CAMK1D: variants seen among roughly 807,000 people sequenced by gnomAD.
CAMK1D encodes calcium/calmodulin-dependent protein kinase type 1D.
Under a neutral mutation model 47.7 loss-of-function variants are expected in CAMK1D, and 9 were observed. The observed-to-expected ratio is 0.19, with a 90% CI of 0.11 to 0.33. The LOEUF (loss-of-function observed/expected upper bound fraction) is 0.33. Among genes scored for constraint, CAMK1D ranks in the 10% least tolerant of loss-of-function variants. The probability of loss-of-function intolerance (pLI) is 1.00; values close to 1 mark genes in which losing one functional copy is unlikely to be tolerated. For missense variants in CAMK1D, 291 were observed against 488.7 expected (o/e 0.60, Z 3.81); for synonymous variants, 184 against 184.9 (o/e 0.99, Z 0.04).
intron 1 of CAMK1D, among the ~76,000 whole-genome samples, chr10:12,371,731 A>G (rs981321605): frequency 6.6e-6 from 1 of 152,052 alleles, no homozygotes; most frequent in African/African-American, 2.4e-5. Context: ...CCCTGTATCT[A>G]CTAAAAATAG....
intron 6 of CAMK1D, among the ~76,000 whole-genome samples, chr10:12,805,945 C>T (rs1302510797): frequency 6.6e-6 from 1 of 152,338 alleles, no homozygotes; most frequent in East Asian, 1.9e-4. Context: ...GAAACCAACA[C>T]GCATGCCACG....
At chr10:12,522,874 AC>A (rs1427987062) in intron 1 of CAMK1D, among the ~76,000 whole-genome samples, 4 of 69,800 alleles carry the variant, frequency 5.7e-5, no homozygotes, top group South Asian at 7.7e-4. Context: ...GCGGGGGCTG[AC>A]CCCCCACCTC....
At chr10:12,483,504 A>G (rs1834123129) in intron 1 of CAMK1D, among the ~76,000 whole-genome samples, 1 of 151,790 alleles carries the variant, frequency 6.6e-6, no homozygotes, top group South Asian at 2.1e-4. Context: ...TTTTTCTTTA[A>G]TTTCTATTTT....
intron 3 of CAMK1D, among the ~76,000 whole-genome samples, chr10:12,675,090 GC>G (rs1402507016): frequency 6.6e-6 from 1 of 150,736 alleles, no homozygotes; most frequent in Non-Finnish European, 1.5e-5. Context: ...AAAGGACACT[GC>G]CTCAACTCCT....
chr10:12,701,098 T>C (rs1202909835), intron 3 of CAMK1D, among the ~76,000 whole-genome samples: 1 of 151,752 alleles, frequency 6.6e-6, no homozygotes, highest in Non-Finnish European at 1.5e-5. Context: ...AAGTTGCCCA[T>C]AGATTCTTCT....
At chr10:12,451,458 G>A (rs1588500001) in intron 1 of CAMK1D, among the ~76,000 whole-genome samples, 1 of 152,170 alleles carries the variant, frequency 6.6e-6, no homozygotes, top group African/African-American at 2.4e-5. Context: ...CTCTTCTTGG[G>A]ACCTGGTATC....
chr10:12,393,500 T>C (rs1296242596), intron 1 of CAMK1D, among the ~76,000 whole-genome samples: 1 of 152,248 alleles, frequency 6.6e-6, no homozygotes, highest in East Asian at 1.9e-4. Flanking sequence ...TACCACCATC[T>C]GTCCTCCTGA....
chr10:12,604,593 C>T (rs1171369874), intron 2 of CAMK1D, among the ~76,000 whole-genome samples: 1 of 152,174 alleles, frequency 6.6e-6, no homozygotes, highest in East Asian at 1.9e-4. Context: ...CCAATGGACT[C>T]ATTCCCAAGA....
intron 2 of CAMK1D, among the ~76,000 whole-genome samples, chr10:12,555,341 A>C (rs1299525427): frequency 6.6e-6 from 1 of 152,218 alleles, no homozygotes; most frequent in South Asian, 2.1e-4. Flanking sequence ...CTCACAGAAG[A>C]AGCTACAGCA....
At chr10:12,363,242 G>C (rs1210876936) in intron 1 of CAMK1D, among the ~76,000 whole-genome samples, 2 of 146,962 alleles carry the variant, frequency 1.4e-5, no homozygotes, top group Admixed American at 6.8e-5. Context: ...CACCCGGCCT[G>C]TTTTTTTTTT....
intron 1 of CAMK1D, among the ~76,000 whole-genome samples, chr10:12,363,060 C>T (rs371260646): frequency 1.3e-5 from 2 of 151,698 alleles, no homozygotes; most frequent in South Asian, 4.2e-4. Flanking sequence ...CCTGTCTCAG[C>T]CTACCAAGTA....
chr10:12,428,834 C>T (rs1840341007), intron 1 of CAMK1D, among the ~76,000 whole-genome samples: 1 of 152,154 alleles, frequency 6.6e-6, no homozygotes, highest in Admixed American at 6.5e-5. Context: ...AGATTAATGT[C>T]CTTATCAAAG....
intron 7 of CAMK1D, among the ~76,000 whole-genome samples, chr10:12,814,910 C>T (rs1182489327): frequency 6.6e-6 from 1 of 152,214 alleles, no homozygotes; most frequent in Non-Finnish European, 1.5e-5. Flanking sequence ...CCCACTCATC[C>T]ACCTCTTCTA....
chr10:12,769,938 G>A (rs1364336980), intron 5 of CAMK1D, 139 bp downstream of exon 5: 5 of 904,864 alleles, frequency 5.5e-6, no homozygotes, highest in Admixed American at 4.8e-5. Context: ...TTCCCCTGGG[G>A]GAAAGAATAA....
At chr10:12,436,957 C>T (rs1832650615) in intron 1 of CAMK1D, among the ~76,000 whole-genome samples, 2 of 152,096 alleles carry the variant, frequency 1.3e-5, no homozygotes, top group African/African-American at 4.8e-5. Flanking sequence ...AGGGGAGAGG[C>T]ACCAGGGGCA....
At chr10:12,388,937 G>C (rs546560541) in intron 1 of CAMK1D, among the ~76,000 whole-genome samples, 2 of 152,296 alleles carry the variant, frequency 1.3e-5, no homozygotes, top group Non-Finnish European at 2.9e-5. Flanking sequence ...TGCGGTAAAG[G>C]CGTGGCTTGC....
At chr10:12,767,121 T>G (rs922149404) in intron 4 of CAMK1D, among the ~76,000 whole-genome samples, 3 of 152,236 alleles carry the variant, frequency 2.0e-5, no homozygotes, top group African/African-American at 7.2e-5. Flanking sequence ...TAAACAAGTC[T>G]GCTCACTCTT....
chr10:12,372,086 G>GTACA (rs1838022892), intron 1 of CAMK1D, among the ~76,000 whole-genome samples: 2 of 152,178 alleles, frequency 1.3e-5, no homozygotes, highest in African/African-American at 4.8e-5. Context: ...ATCACATGCT[G>GTACA]TACAGGTTGG....
chr10:12,382,022 TTGAG>T (rs1838362876), intron 1 of CAMK1D, among the ~76,000 whole-genome samples: 2 of 152,182 alleles, frequency 1.3e-5, no homozygotes, highest in Non-Finnish European at 2.9e-5. Context: ...AACTGTGACT[TTGAG>T]TGAAATGACG....
Sources: allele counts gnomAD v4.1 joint callset (sites outside exome capture counted in the v4.1 genomes callset), GRCh38; gene constraint gnomAD v4.1.1; transcripts MANE v1.5; gene names NCBI Gene and HGNC (gene_info 2026-07-23, HGNC 2026-07-21).